DIAPH2: variants seen among roughly 807,000 people sequenced by gnomAD.
DIAPH2 encodes protein diaphanous homolog 2.
Under a neutral mutation model 92.7 loss-of-function variants are expected in DIAPH2, and 35 were observed. That is an observed-to-expected ratio of 0.38 (90% confidence interval 0.29 to 0.50). The LOEUF is 0.50. Among genes scored for constraint, DIAPH2 ranks in the 20% least tolerant of loss-of-function variants. DIAPH2 has a pLI of 0.94. For missense variants in DIAPH2, 701 were observed against 819.5 expected, an observed-to-expected ratio of 0.86 and a Z score of 1.77; for synonymous variants, 301 against 280.4, an observed-to-expected ratio of 1.07 and a Z score of -0.73.
At chrX:97,407,668 A>T (rs1284141906) in intron 25 of DIAPH2, among the ~76,000 whole-genome samples, 2 of 112,265 alleles carry the variant, frequency 1.8e-5, no homozygotes, top group Admixed American at 1.9e-4. Flanking sequence ...TTTCTAGTTA[A>T]TCCCAAGCAA....
intron 4 of DIAPH2, among the ~76,000 whole-genome samples, chrX:96,804,534 C>A (rs773938741): frequency 9.0e-6 from 1 of 111,325 alleles, no homozygotes; most frequent in Non-Finnish European, 1.9e-5. Context: ...TTTTATATAA[C>A]GCTTATTAGG....
In DIAPH2 at chrX:97,259,470, G is replaced by C. The variant is rs145263536; in HGVS notation, c.2844+11631G>C. Among the ~76,000 whole-genome samples the C allele has an allele frequency of 9.7e-3, 1,090 of 112,162 alleles. 4 individuals carry two copies. The highest frequency in any genetic ancestry group is 0.015 in the Non-Finnish European group (786 of 53,220). ...GGTCTAAGGAGTTTGAACAGTATTT[G>C]GTGGGTTATAAATTGCTGAAAGGCA... On this transcript the variant is annotated intron_variant, in intron 23 of 26. Transcript: ENST00000324765.
rs536240192 is a variant in DIAPH2, at chrX:97,334,336, G to C, written c.2845-13780G>C. Among the ~76,000 whole-genome samples the C allele has an allele frequency of 6.9e-4, 76 of 109,532 alleles. 1 individual carries two copies. The South Asian group carries it at 0.018, about 26-fold the overall frequency. ...AAATTAGCCGAGCGTGGTGGCGGGC[G>C]CCTGTAGTCCCAGCTACTCGGGAGG... On this transcript the variant is annotated intron_variant, in intron 23 of 26. Coordinates refer to ENST00000324765, the MANE Select transcript of DIAPH2 (RefSeq NM_006729.5).
At chrX:97,296,871 G>A (rs1011616914) in intron 23 of DIAPH2, among the ~76,000 whole-genome samples, 2 of 107,795 alleles carry the variant, frequency 1.9e-5, no homozygotes, top group Non-Finnish European at 3.8e-5. Flanking sequence ...TCTGCCTTTC[G>A]GGTTCAAGCG....
chrX:97,489,134 G>T (rs762831297), intron 26 of DIAPH2, among the ~76,000 whole-genome samples: 31 of 111,516 alleles, frequency 2.8e-4, no homozygotes, highest in Non-Finnish European at 4.7e-4. Flanking sequence ...AGTTTTCGCC[G>T]TACAAGTCTT....
At chrX:97,436,270 T>G (rs1351986798) in intron 26 of DIAPH2, among the ~76,000 whole-genome samples, 1 of 111,911 alleles carries the variant, frequency 8.9e-6, no homozygotes, top group Non-Finnish European at 1.9e-5. Flanking sequence ...GGTGGATATC[T>G]AACTTAGCAT....
In DIAPH2 at chrX:97,536,919, T is replaced by C. The variant is rs776253011; in HGVS notation, c.3242-62334T>C. 3.6e-5 allele frequency among the ~76,000 whole-genome samples: 4 copies of C among 112,192 alleles called. 1 individual carries two copies. On this transcript the variant is annotated intron_variant, in intron 26 of 26. Transcript: ENST00000324765. ...GGTACTGTAAGGGTTGAAAATAAGC[T>C]GAATAAACCATAATCTCTGTTTTCA... is the stretch of plus-strand genomic sequence containing the variant.
chrX:97,274,006 G>GGTGTGTGTGTGT (rs55778849), intron 23 of DIAPH2, among the ~76,000 whole-genome samples: 18 of 86,733 alleles, frequency 2.1e-4, no homozygotes, highest in African/African-American at 7.7e-4. Flanking sequence ...TAAAACTAGC[G>GGTGTGTGTGTGT]GTGTGTGTGT....
chrX:96,949,410 G>GA (rs1168299045), intron 15 of DIAPH2, among the ~76,000 whole-genome samples: 1 of 110,562 alleles, frequency 9.0e-6, no homozygotes, highest in Non-Finnish European at 1.9e-5. Context: ...AGATCTCTTT[G>GA]AATCTCAAGT....
chrX:96,711,391 A>T (rs2063917021), intron 1 of DIAPH2, among the ~76,000 whole-genome samples: 1 of 112,011 alleles, frequency 8.9e-6, no homozygotes, highest in Admixed American at 9.5e-5. Flanking sequence ...GTAAGGTGGT[A>T]TCGCATTGTG....
chrX:97,365,299 A>C (rs1569374649), intron 24 of DIAPH2, among the ~76,000 whole-genome samples: 1 of 111,661 alleles, frequency 9.0e-6, no homozygotes, highest in Non-Finnish European at 1.9e-5. Context: ...CTACTGCAGT[A>C]ATCTTTTAGT....
intron 26 of DIAPH2, among the ~76,000 whole-genome samples, chrX:97,441,571 A>G (rs2070258548): frequency 8.9e-6 from 1 of 111,802 alleles, no homozygotes; most frequent in Non-Finnish European, 1.9e-5. Context: ...TAATCCCAGC[A>G]CTTTCGGAGG....
intron 4 of DIAPH2, among the ~76,000 whole-genome samples, chrX:96,851,518 C>T (rs1207385865): frequency 8.9e-6 from 1 of 112,030 alleles, no homozygotes; most frequent in Non-Finnish European, 1.9e-5. Flanking sequence ...TGCATATAAC[C>T]TGTGCACATC....
chrX:97,424,300 A>G (rs2070039269), intron 25 of DIAPH2, among the ~76,000 whole-genome samples: 1 of 111,303 alleles, frequency 9.0e-6, no homozygotes, highest in African/African-American at 3.3e-5. Flanking sequence ...TTTGGCATAT[A>G]TGTTCTCAGA....
At chrX:96,850,626 A>G (rs774445673) in intron 4 of DIAPH2, among the ~76,000 whole-genome samples, 2 of 111,912 alleles carry the variant, frequency 1.8e-5, no homozygotes, top group Non-Finnish European at 3.8e-5. Flanking sequence ...TTTCTCGTTC[A>G]TAGCCCTTTG....
chrX:97,369,154 C>T (rs1366568431), intron 24 of DIAPH2, among the ~76,000 whole-genome samples: 2 of 110,886 alleles, frequency 1.8e-5, no homozygotes, highest in African/African-American at 3.3e-5. Flanking sequence ...GTGATCCGCC[C>T]GCCTCAGCCT....
intron 22 of DIAPH2, among the ~76,000 whole-genome samples, chrX:97,212,490 T>C (rs1220348842): frequency 9.0e-6 from 1 of 110,838 alleles, no homozygotes; most frequent in African/African-American, 3.3e-5. Context: ...GCTTAGTTTA[T>C]ATTATATTAA....
Position 97,217,643 on chromosome X carries a change from T to C in DIAPH2, c.2720-30072T>C, listed in dbSNP as rs2067893587. Among the ~76,000 whole-genome samples, 3 of 112,344 alleles carry C rather than the reference T, an allele frequency of 2.7e-5. No homozygotes were observed. The South Asian group carries it at 1.1e-3, about 41-fold the overall frequency. ...CCTCACAATTTCACATAGGTATTCA[T>C]TCATACATTTTAGAAATTTAAAGGC... On this transcript the variant is annotated intron_variant, in intron 22 of 26. Coordinates refer to ENST00000324765, the MANE Select transcript of DIAPH2 (RefSeq NM_006729.5).
intron 5 of DIAPH2, among the ~76,000 whole-genome samples, chrX:96,882,173 C>A (rs1230386232): frequency 9.1e-6 from 1 of 109,633 alleles, no homozygotes; most frequent in African/African-American, 3.3e-5. Flanking sequence ...ACCTCAGCCT[C>A]CTGAGTAGCT....
Sources: gnomAD v4.1 joint callset for allele counts (sites outside exome capture counted in the v4.1 genomes callset) on GRCh38, gnomAD v4.1.1 for gene constraint, MANE v1.5 for transcripts, NCBI Gene and HGNC (gene_info 2026-07-23, HGNC 2026-07-21) for gene names.